CCDC150: variants seen among roughly 807,000 people sequenced by gnomAD.
CCDC150 encodes the protein coiled-coil domain containing 150, also known as coiled-coil domain-containing protein 150.
CCDC150 carries 151 observed loss-of-function variants against 156.5 expected under a neutral mutation model. The observed-to-expected ratio is 0.97, with a 90% CI of 0.85 to 1.10. The LOEUF (loss-of-function observed/expected upper bound fraction) is 1.10, where lower values mean the gene tolerates loss of function less well. CCDC150 is among the 50% of genes least tolerant of loss of function. The pLI is 0.00. For synonymous variants in CCDC150, 452 were observed against 429.4 expected, an observed-to-expected ratio of 1.05 and a Z score of -0.65; for missense variants, 1,312 against 1,268.1, an observed-to-expected ratio of 1.03 and a Z score of -0.53.
intron 13 of CCDC150, among the ~76,000 whole-genome samples, chr2:196,690,377 T>TATA (rs1244946142): frequency 6.6e-6 from 1 of 152,098 alleles, no homozygotes; most frequent in South Asian, 2.1e-4. Flanking sequence ...AAACTTAAAG[T>TATA]ATAATAATAA....
At chr2:196,701,263 T>C (rs533990142) in intron 15 of CCDC150, 83 bp downstream of exon 15, 2 of 931,286 alleles carry the variant, frequency 2.1e-6, no homozygotes, top group African/African-American at 1.7e-5. Flanking sequence ...ATTTTGAGAA[T>C]ACCTAGCTCT....
intron 14 of CCDC150, among the ~76,000 whole-genome samples, chr2:196,700,293 G>C (rs1696120591): frequency 6.6e-6 from 1 of 152,154 alleles, no homozygotes; most frequent in African/African-American, 2.4e-5. Context: ...CATTTGCTTT[G>C]TGTGCATTAT....
chr2:196,676,559 A>G lies in CCDC150; in HGVS notation c.1268A>G (p.His423Arg). The change falls in exon 12 of 28, where the codon CAT (histidine) becomes CGT (arginine). Residue 423 changes from histidine (H) to arginine (R), a missense_variant. Transcript: ENST00000389175. ...TTCTTGATCTCTTCCTGCAGGGATC[A>G]TTTAATCCTTGAGCATAACCAGTGT... ...EKTQLQAHLD[H>R]LILEHNQCIQ... 3 of 1,611,950 alleles carry G rather than the reference A, an allele frequency of 1.9e-6. No individual in the cohort carries two copies. Among genetic ancestry groups the G allele is most frequent in the East Asian group, 4.5e-5 (2 of 44,838 alleles).
chr2:196,717,197 C>T (rs1388789694), intron 17 of CCDC150, among the ~76,000 whole-genome samples: 3 of 152,000 alleles, frequency 2.0e-5, no homozygotes, highest in Non-Finnish European at 2.9e-5. Context: ...CCTAAAGTAA[C>T]ATTCTTGACA....
In CCDC150 at chr2:196,732,504, G is replaced by T. The variant is rs1019345355; in HGVS notation, c.3248G>T (p.Arg1083Ile). ...CAATCTGTTCTGCATCGATGGGAGA[G>T]AAAACAGAATCTTAGGCCCATGCCC... ...SNQSVLHRWERKQNLRPMPKK... is the reference protein window; with the variant it reads ...SNQSVLHRWEIKQNLRPMPKK... Residue 1083 changes from arginine (R) to isoleucine (I), a missense_variant, in exon 28 of 28, where the codon AGA becomes ATA. Physicochemically the swap from Arg to Ile is moderately conservative, Grantham distance 97. Coordinates refer to ENST00000389175, the MANE Select transcript of CCDC150 (RefSeq NM_001080539.2). The T allele has an allele frequency of 2.5e-6, 4 of 1,613,840 alleles. No individual in the cohort carries two copies. Among genetic ancestry groups the T allele is most frequent in the Middle Eastern group, 1.6e-4 (1 of 6,062 alleles).
chr2:196,700,679 A>T (rs1207505551), intron 14 of CCDC150, among the ~76,000 whole-genome samples: 1 of 152,112 alleles, frequency 6.6e-6, no homozygotes, highest in Admixed American at 6.6e-5. Flanking sequence ...GATTTTTCTA[A>T]ACTGCTTTTT....
chr2:196,688,711 G>C (rs1228551177), intron 13 of CCDC150, among the ~76,000 whole-genome samples: 6 of 152,066 alleles, frequency 3.9e-5, no homozygotes, highest in Non-Finnish European at 8.8e-5. Flanking sequence ...TCACTCTGAT[G>C]GTAGTTTCTT....
chr2:196,676,604 C>T lies in CCDC150; in HGVS notation c.1313C>T (p.Ala438Val), dbSNP rs757548830. ...HNQCIQKAQD[A>V]EKRTAVQKEL... ...CAGTGTATCCAGAAAGCACAGGATGCTGAAAAGAGAACAGCTGTGCAAAAA... is the reference window on the plus strand; with the variant it reads ...CAGTGTATCCAGAAAGCACAGGATGTTGAAAAGAGAACAGCTGTGCAAAAA... Residue 438 changes from alanine (A) to valine (V), a missense_variant, in exon 12 of 28, where the codon GCT (alanine) becomes GTT (valine). By Grantham distance (64) the Ala-to-Val change is moderately conservative (BLOSUM62 0). Transcript: ENST00000389175. The T allele has an allele frequency of 2.7e-5, 44 of 1,613,492 alleles. No individual in the cohort carries two copies. Among genetic ancestry groups the T allele is most frequent in the Non-Finnish European group, 3.5e-5 (41 of 1,179,666 alleles).
At chr2:196,712,402 AGT>A (rs1236192972) in intron 16 of CCDC150, 150 bp downstream of exon 16, 1 of 575,350 alleles carries the variant, frequency 1.7e-6, no homozygotes, top group African/African-American at 1.9e-5. Flanking sequence ...TCAAGCACCT[AGT>A]ACATACAAGG....
chr2:196,643,280 G>A (rs1394913304), intron 1 of CCDC150, among the ~76,000 whole-genome samples: 2 of 152,168 alleles, frequency 1.3e-5, no homozygotes, highest in African/African-American at 4.8e-5. Context: ...CCCCTCAGAG[G>A]CTGGGCCAAG....
intron 15 of CCDC150, among the ~76,000 whole-genome samples, chr2:196,711,858 T>G (rs1010426405): frequency 6.6e-5 from 10 of 152,082 alleles, no homozygotes; most frequent in African/African-American, 2.2e-4. Flanking sequence ...CCACAAAATC[T>G]CACTGTTATA....
Position 196,701,184 on chromosome 2 carries a change from T to C in CCDC150, c.1695+4T>C, listed in dbSNP as rs935826084. 7.1e-6 allele frequency: 11 copies of C among 1,559,854 alleles called. No homozygotes were observed. The highest frequency in any genetic ancestry group is 9.6e-6 in the Non-Finnish European group (11 of 1,147,102). On this transcript the variant is annotated splice_donor_region_variant and intron_variant, in intron 15 of 27. Coordinates refer to ENST00000389175, the MANE Select transcript of CCDC150 (RefSeq NM_001080539.2). ...CTATGAAAACGGAAAACTCCAGGTA[T>C]GAGATTTATTTTCTGATTTTTCTTG...
In CCDC150 at chr2:196,656,693, T is replaced by G. The variant is rs1241405392; in HGVS notation, c.237T>G (p.Pro79=). Residue 79 remains proline (P), a synonymous_variant, in exon 3 of 28, where the codon CCT becomes CCG. Coordinates refer to ENST00000389175, the MANE Select transcript of CCDC150 (RefSeq NM_001080539.2). ...TGGACAGCCAGAAAGTCATTAGTCC[T>G]ATCCAAAATGAAGCAATTTGTGCAG... ...EDLDSQKVIS[P]IQNEAICAGK... is the part of the protein sequence containing the mutation. 1 of 1,613,718 alleles carries G rather than the reference T, an allele frequency of 6.2e-7. No homozygotes were observed. The highest frequency in any genetic ancestry group is 2.2e-5 in the East Asian group (1 of 44,878).
chr2:196,667,139 CA>C (rs1280017335), intron 7 of CCDC150: 12 of 391,660 alleles, frequency 3.1e-5, no homozygotes, highest in South Asian at 6.9e-5. Context: ...GAATATTGGG[CA>C]AAAAAAGTAA....
chr2:196,704,814 C>T (rs1276424500), intron 15 of CCDC150, among the ~76,000 whole-genome samples: 1 of 152,110 alleles, frequency 6.6e-6, no homozygotes, highest in Non-Finnish European at 1.5e-5. Context: ...GTTTTTCTGT[C>T]CTTGAGATAG....
At chr2:196,723,224 C>T (rs755241924) in intron 21 of CCDC150, among the ~76,000 whole-genome samples, 6 of 152,126 alleles carry the variant, frequency 3.9e-5, no homozygotes, top group Non-Finnish European at 7.4e-5. Flanking sequence ...AGCTAAACGC[C>T]GGGTGCGGTG....
intron 26 of CCDC150, among the ~76,000 whole-genome samples, chr2:196,731,292 A>G (rs566498133): frequency 1.4e-4 from 21 of 152,194 alleles, no homozygotes; most frequent in Non-Finnish European, 2.8e-4. Flanking sequence ...CAATCAATCA[A>G]TAACTAAAAA....
Position 196,660,943 on chromosome 2 carries a change from C to A in CCDC150, c.645+2083C>A, listed in dbSNP as rs550961089. ...ATAGGTTTTCATTTTACATTTAGGTCTTTGATCTATTTTGAGCTAATTTTC... is the reference window on the plus strand; with the variant it reads ...ATAGGTTTTCATTTTACATTTAGGTATTTGATCTATTTTGAGCTAATTTTC... On this transcript the variant is annotated intron_variant, in intron 5 of 27. Coordinates refer to ENST00000389175, the MANE Select transcript of CCDC150 (RefSeq NM_001080539.2). Among the ~76,000 whole-genome samples the A allele has an allele frequency of 9.2e-5, 14 of 152,186 alleles. No homozygotes were observed. The South Asian group carries it at 1.7e-3, about 18-fold the overall frequency.
intron 1 of CCDC150, among the ~76,000 whole-genome samples, chr2:196,640,978 G>GTT (rs71684272): frequency 6.6e-6 from 1 of 151,636 alleles, no homozygotes; most frequent in South Asian, 2.1e-4. Flanking sequence ...TCTGTTTTTT[G>GTT]TTTTTTTGAA....
Sources: gnomAD v4.1 joint callset for allele counts (sites outside exome capture counted in the v4.1 genomes callset) on GRCh38, gnomAD v4.1.1 for gene constraint, MANE v1.5 for transcripts, NCBI Gene and HGNC (gene_info 2026-07-23, HGNC 2026-07-21) for gene names.